GUCY2F: variants seen among roughly 807,000 people sequenced by gnomAD.
GUCY2F encodes the protein retinal guanylyl cyclase 2.
A neutral mutation model predicts 73.1 loss-of-function variants in GUCY2F; 61 were observed. The ratio of observed to expected loss-of-function variants is 0.83; its 90% CI spans 0.68 to 1.03. The LOEUF is 1.03. Ranked by LOEUF, GUCY2F falls within the 50% of genes least tolerant of loss-of-function variation. The pLI is 0.00. For synonymous variants in GUCY2F, 331 were observed against 307.8 expected (o/e 1.08, Z -0.79); for missense variants, 912 against 854.3 (o/e 1.07, Z -0.84).
rs148663380 is a variant in GUCY2F, at chrX:109,392,077, C to A, written c.2615G>T (p.Gly872Val). 8.3e-7 allele frequency: 1 copy of A among 1,204,921 alleles called. No individual in the cohort carries two copies. Among genetic ancestry groups the A allele is most frequent in the Non-Finnish European group, 1.1e-6 (1 of 892,228 alleles). The change falls in exon 14 of 20, where the codon GGC becomes GTC. Residue 872 changes from glycine (G) to valine (V), a missense_variant. By Grantham distance (109) the Gly-to-Val change is moderately radical. Coordinates refer to ENST00000218006, the MANE Select transcript of GUCY2F (RefSeq NM_001522.3). ...AAAGCCCTCAGGTTCAACTGTGCAG[C>A]CCTTTTTGAGAGATTCAGCAACTGA... Reference protein sequence around the residue: ...PPSVAESLKKGCTVEPEGFDL... With the variant: ...PPSVAESLKKVCTVEPEGFDL...
chrX:109,405,871 T>G (rs1304284166), intron 9 of GUCY2F, among the ~76,000 whole-genome samples: 1 of 111,608 alleles, frequency 9.0e-6, no homozygotes, highest in Non-Finnish European at 1.9e-5. Context: ...TGAGAAATAT[T>G]TATTGAGTAC....
At chrX:109,395,579 G>A in intron 11 of GUCY2F, 90 bp from the exon 12 acceptor site, 2 of 745,857 alleles carry the variant, frequency 2.7e-6, no homozygotes, top group African/African-American at 2.1e-5. Flanking sequence ...CCAAGAAGGG[G>A]GTAGGTTAGG....
At chrX:109,398,192 T>C (rs1930754337) in intron 11 of GUCY2F, among the ~76,000 whole-genome samples, 1 of 110,527 alleles carries the variant, frequency 9.0e-6, no homozygotes, top group African/African-American at 3.3e-5. Flanking sequence ...GAAACAGTGG[T>C]AAGGCCTTGA....
intron 8 of GUCY2F, among the ~76,000 whole-genome samples, chrX:109,418,828 TAATA>T (rs1240150260): frequency 9.1e-6 from 1 of 110,368 alleles, no homozygotes; most frequent in Non-Finnish European, 1.9e-5. Flanking sequence ...TAAAACAAAG[TAATA>T]AATTTAATAA....
rs1476843890 is a variant in GUCY2F at position 109,404,498 on chromosome X, A to C, written c.1969-14T>G. The stretch of plus-strand genomic sequence containing the variant: ...GTACTTCATGCCCTGTAGATGACAC[A>C]ACAGGATTTATTTAGCAACTCATTT... On this transcript the variant is annotated splice_polypyrimidine_tract_variant and intron_variant, in intron 9 of 19. Transcript: ENST00000218006. 1.5e-5 allele frequency: 17 copies of C among 1,128,829 alleles called. No individual in the cohort carries two copies. The Admixed American group carries it at 4.1e-4, about 28-fold the overall frequency. 93.0% of individuals were successfully genotyped at this position (1,128,829 alleles called of 1,213,427 possible). A position where few individuals can be genotyped will look rare whatever the true frequency, so the allele number is the denominator to read the frequency against.
intron 15 of GUCY2F, among the ~76,000 whole-genome samples, chrX:109,386,563 G>T (rs767506421): frequency 8.9e-6 from 1 of 111,803 alleles, no homozygotes; most frequent in African/African-American, 3.2e-5. Flanking sequence ...AGAGAATTTT[G>T]AGCAAGGAAT....
At chrX:109,447,047 A>G (rs183580369) in intron 6 of GUCY2F, among the ~76,000 whole-genome samples, 63 of 112,571 alleles carry the variant, frequency 5.6e-4, no homozygotes, top group African/African-American at 2.0e-3. Context: ...ACTAGCCATC[A>G]AAGAAATGCA....
chrX:109,434,321 C>T (rs57658566), intron 7 of GUCY2F, among the ~76,000 whole-genome samples: 3 of 109,942 alleles, frequency 2.7e-5, no homozygotes, highest in Non-Finnish European at 3.8e-5. Flanking sequence ...CCTGGCAGTC[C>T]GCTCATCTGG....
In GUCY2F at chrX:109,445,948, A is replaced by G. The variant is rs755597715; in HGVS notation, c.1569+2121T>C. On this transcript the variant is annotated intron_variant, in intron 6 of 19. Coordinates refer to ENST00000218006, the MANE Select transcript of GUCY2F (RefSeq NM_001522.3). ...AAGTCTCAGGATACAAAATCAATGT[A>G]CAAAAATCACAAGCATTCTTATACA... Among the ~76,000 whole-genome samples, 307 of 111,971 alleles carry G rather than the reference A, an allele frequency of 2.7e-3. 1 individual carries two copies. Among genetic ancestry groups the G allele is most frequent in the Non-Finnish European group, 4.7e-3 (251 of 53,163 alleles).
At chrX:109,478,076 T>A (rs1371198173) in intron 1 of GUCY2F, among the ~76,000 whole-genome samples, 1 of 111,948 alleles carries the variant, frequency 8.9e-6, no homozygotes, top group Non-Finnish European at 1.9e-5. Context: ...ATTATATGCA[T>A]AAGAGCCTCA....
intron 4 of GUCY2F, among the ~76,000 whole-genome samples, 187 bp from the exon 5 acceptor site, chrX:109,452,294 C>T (rs1246432052): frequency 8.9e-6 from 1 of 111,997 alleles, no homozygotes; most frequent in African/African-American, 3.2e-5. Flanking sequence ...AGCAATTTCA[C>T]TGTTGTGAAG....
Position 109,453,554 on chromosome X carries a change from AG to A in GUCY2F, c.1337del (p.Pro446LeufsTer25), listed in dbSNP as rs763599424. On this transcript the variant is annotated frameshift_variant, in exon 4 of 20. Transcript: ENST00000218006. LOFTEE classifies it high-confidence loss of function. Reference sequence around the variant, plus strand: ...CAAACCAGCATTTTGCATCTGCTCTAGGGGGCCTGCCACCAGGGAAGTGAAT... The same window carrying A: ...CAAACCAGCATTTTGCATCTGCTCTAGGGGCCTGCCACCAGGGAAGTGAAT... Reference protein sequence around the residue: ...TPIHFPGGRPPRADAKCWFAE... With the variant: ...TPIHFPGGRPXRADAKCWFAE... The A allele has an allele frequency of 4.1e-6, 5 of 1,207,828 alleles. No homozygotes were observed. Among genetic ancestry groups the A allele is most frequent in the Non-Finnish European group, 5.6e-6 (5 of 893,563 alleles).
chrX:109,449,484 A>C (rs1458799370), intron 5 of GUCY2F, among the ~76,000 whole-genome samples: 1 of 111,884 alleles, frequency 8.9e-6, no homozygotes, highest in Non-Finnish European at 1.9e-5. Flanking sequence ...CACACCTGTA[A>C]AAATAATCAT....
At chrX:109,437,003 A>G (rs772578224) in intron 7 of GUCY2F, among the ~76,000 whole-genome samples, 1 of 111,837 alleles carries the variant, frequency 8.9e-6, no homozygotes, top group South Asian at 3.8e-4. Flanking sequence ...GCAAAAAAAA[A>G]AAGAAAATTT....
At chrX:109,420,810 G>A (rs1157120576) in intron 8 of GUCY2F, among the ~76,000 whole-genome samples, 1 of 111,381 alleles carries the variant, frequency 9.0e-6, no homozygotes, top group African/African-American at 3.2e-5. Context: ...AAAGACAAAT[G>A]TTAAGAATTT....
At chrX:109,405,843 C>T (rs2300121) in intron 9 of GUCY2F, among the ~76,000 whole-genome samples, 78 of 111,562 alleles carry the variant, frequency 7.0e-4, no homozygotes, top group East Asian at 3.1e-3. Flanking sequence ...TTATCAGCTC[C>T]GCCACCTAAT....
intron 3 of GUCY2F, among the ~76,000 whole-genome samples, chrX:109,463,205 A>G (rs1404306412): frequency 1.8e-5 from 2 of 111,611 alleles, no homozygotes; most frequent in Non-Finnish European, 3.8e-5. Context: ...AAGAATATGA[A>G]TATCAGACAC....
chrX:109,465,710 G>A (rs929992958), intron 2 of GUCY2F, among the ~76,000 whole-genome samples: 1 of 111,918 alleles, frequency 8.9e-6, no homozygotes, highest in Non-Finnish European at 1.9e-5. Flanking sequence ...ATGGGGAGTA[G>A]CATAACAAAA....
intron 7 of GUCY2F, among the ~76,000 whole-genome samples, chrX:109,436,703 C>G (rs1158080900): frequency 9.2e-6 from 1 of 108,776 alleles, no homozygotes; most frequent in African/African-American, 3.4e-5. Context: ...CCAAACACCG[C>G]ATGTTCTCAC....
Sources: allele counts gnomAD v4.1 joint callset (sites outside exome capture counted in the v4.1 genomes callset), GRCh38; gene constraint gnomAD v4.1.1; transcripts MANE v1.5; gene names NCBI Gene and HGNC (gene_info 2026-07-23, HGNC 2026-07-21).